Variants in SPNS3 observed in about 807,000 individuals in gnomAD.
SPNS3 encodes the protein protein spinster homolog 3.
A neutral mutation model predicts 54.4 loss-of-function variants in SPNS3; 51 were observed. That is an observed-to-expected ratio of 0.94 (90% CI 0.75 to 1.18). SPNS3 has a LOEUF of 1.18. SPNS3 is among the 50% of genes most tolerant of loss of function. SPNS3 has a pLI of 0.00. For missense variants in SPNS3, 669 were observed against 677.4 expected (o/e 0.99, Z 0.14); for synonymous variants, 309 against 294.7 (o/e 1.05, Z -0.50).
intron 8 of SPNS3, among the ~76,000 whole-genome samples, chr17:4,458,536 C>CT (rs1555530793): frequency 0.085 from 7,821 of 92,212 alleles, 893 homozygotes; most frequent in Non-Finnish European, 0.15. Flanking sequence ...GCCTTCCTTC[C>CT]TTCCTTCCTT....
intron 8 of SPNS3, among the ~76,000 whole-genome samples, chr17:4,476,987 T>A (rs1401076419): frequency 1.3e-5 from 2 of 152,212 alleles, no homozygotes; most frequent in Non-Finnish European, 2.9e-5. Flanking sequence ...GTCCTGATCC[T>A]GACTGTCCTT....
chr17:4,457,950 G>T lies in SPNS3; in HGVS notation c.1113+4745G>T, dbSNP rs115758769. ...CTGGGAAGCTGCTGGGTCTGGCATG[G>T]TACCCACCGATGCTGAGCCTCTGCG... On this transcript the variant is annotated intron_variant, in intron 8 of 11. Transcript: ENST00000355530. 7.2e-3 allele frequency among the ~76,000 whole-genome samples: 1,094 copies of T among 152,232 alleles called. 12 individuals carry two copies. The highest frequency in any genetic ancestry group is 0.025 in the African/African-American group (1,047 of 41,526).
At position 4,486,280 on chromosome 17, in the gene SPNS3, T is replaced by C; in HGVS notation, c.1232T>C (p.Val411Ala). 4 of 1,592,146 alleles carry C rather than the reference T, an allele frequency of 2.5e-6. No homozygotes were observed. Among genetic ancestry groups the C allele is most frequent in the Non-Finnish European group, 3.4e-6 (4 of 1,171,994 alleles). Residue 411 changes from valine to alanine, a missense_variant, in exon 10 of 12, where the codon GTG (valine) becomes GCG (alanine). Coordinates refer to ENST00000355530, the MANE Select transcript of SPNS3 (RefSeq NM_182538.5). The surrounding 1 kb of genome is among the most constrained non-coding windows in gnomAD (Gnocchi z 5.5). Reference protein sequence around the residue: ...RGTAEALQITVGHILGDAGSP... With the variant: ...RGTAEALQITAGHILGDAGSP... ...ACGGCAGAGGCACTTCAGATCACGG[T>C]GGGCCACATCCTGGGAGACGCTGGC...
intron 8 of SPNS3, among the ~76,000 whole-genome samples, chr17:4,471,824 T>C (rs147854110): frequency 1.3e-5 from 2 of 152,074 alleles, no homozygotes; most frequent in African/African-American, 4.8e-5. Flanking sequence ...GGAATTTCCT[T>C]CTGCTCCTTC....
intron 8 of SPNS3, among the ~76,000 whole-genome samples, chr17:4,460,593 G>A (rs1429908839): frequency 1.3e-5 from 2 of 149,894 alleles, no homozygotes; most frequent in African/African-American, 2.5e-5. Context: ...TACCACGCCT[G>A]GCTAATTTTT....
intron 9 of SPNS3, among the ~76,000 whole-genome samples, chr17:4,480,439 T>TC (rs1470565218): frequency 1.3e-5 from 2 of 152,032 alleles, no homozygotes; most frequent in African/African-American, 4.8e-5. Context: ...GAGATTAACA[T>TC]CCCCCCAGCA....
At chr17:4,455,156 C>T (rs1004173977) in intron 8 of SPNS3, among the ~76,000 whole-genome samples, 3 of 152,166 alleles carry the variant, frequency 2.0e-5, no homozygotes, top group Non-Finnish European at 2.9e-5. Context: ...TCAGGCGATC[C>T]GCCTGTCTCG....
rs114897895 is a variant in SPNS3, at chr17:4,476,801, G to C, written c.1114-1771G>C. ...AGGGACCAGGCACTGCAGTCCCAGG[G>C]GCTGGGTTAGGCCAGGAGAGCGCAT... is the stretch of plus-strand genomic sequence containing the variant. On this transcript the variant is annotated intron_variant, in intron 8 of 11. Coordinates refer to ENST00000355530, the MANE Select transcript of SPNS3 (RefSeq NM_182538.5). Among the ~76,000 whole-genome samples, 1,284 of 152,290 alleles carry C rather than the reference G, an allele frequency of 8.4e-3. 12 individuals are homozygous for C. The highest frequency in any genetic ancestry group is 0.029 in the African/African-American group (1,214 of 41,556).
At chr17:4,438,940 CTGTG>C (rs35255085) in intron 1 of SPNS3, among the ~76,000 whole-genome samples, 9,192 of 149,232 alleles carry the variant, frequency 0.062, 349 homozygotes, top group Non-Finnish European at 0.086. Context: ...GAGTGAGTTC[CTGTG>C]TGTGTGTGTG....
intron 8 of SPNS3, among the ~76,000 whole-genome samples, chr17:4,459,813 A>G (rs1174279435): frequency 6.6e-6 from 1 of 152,198 alleles, no homozygotes; most frequent in Non-Finnish European, 1.5e-5. Flanking sequence ...GTTGAGGGAG[A>G]TAGATAACAA....
intron 1 of SPNS3, among the ~76,000 whole-genome samples, chr17:4,436,529 G>A (rs1304530543): frequency 9.3e-6 from 1 of 108,018 alleles, no homozygotes; most frequent in African/African-American, 2.9e-5. Flanking sequence ...GATTGCTTGA[G>A]GCTGAAGCGG....
Position 4,448,519 on chromosome 17 carries a change from A to G in SPNS3, c.770+216A>G, listed in dbSNP as rs1010721009. On this transcript the variant is annotated intron_variant, in intron 6 of 11. Transcript: ENST00000355530. ...CTTGCCATGTGACAGAAATATGGACAGAGTGGGAGGGAGATGGCGTGAGCC... is the reference window on the plus strand; with the variant it reads ...CTTGCCATGTGACAGAAATATGGACGGAGTGGGAGGGAGATGGCGTGAGCC... Among the ~76,000 whole-genome samples the G allele has an allele frequency of 2.0e-5, 3 of 152,332 alleles. No homozygotes were observed. The East Asian group carries it at 5.8e-4, about 29-fold the overall frequency.
chr17:4,442,017 T>TGTGTGTGTGTGTGTGTGTGTGTGTGTG (rs10692534), intron 2 of SPNS3, among the ~76,000 whole-genome samples: 3 of 150,574 alleles, frequency 2.0e-5, no homozygotes, highest in South Asian at 2.1e-4. Flanking sequence ...TGTGTGTGTG[T>TGTGTGTGTGTGTGTGTGTGTGTGTGTG]TTGGCAGTAG....
chr17:4,451,843 AT>A (rs796190961), intron 7 of SPNS3, among the ~76,000 whole-genome samples: 389 of 139,894 alleles, frequency 2.8e-3, no homozygotes, highest in Middle Eastern at 3.5e-3. Flanking sequence ...TAATTTTTGT[AT>A]TTTTTTTTTT....
At chr17:4,437,821 CT>C (rs1970752518) in intron 1 of SPNS3, among the ~76,000 whole-genome samples, 1 of 149,358 alleles carries the variant, frequency 6.7e-6, no homozygotes, top group Admixed American at 6.7e-5. Context: ...GAGTCTCACT[CT>C]GTCGCCCAGG....
chr17:4,460,492 C>A (rs888278861), intron 8 of SPNS3, among the ~76,000 whole-genome samples: 1 of 141,582 alleles, frequency 7.1e-6, no homozygotes, highest in South Asian at 2.2e-4. Context: ...AGTGCAGTGG[C>A]GTGATCTCGG....
chr17:4,487,926 C>T lies in SPNS3; in HGVS notation c.*32C>T. 6.3e-7 allele frequency: 1 copy of T among 1,597,308 alleles called. No individual in the cohort carries two copies. The highest frequency in any genetic ancestry group is 8.6e-7 in the Non-Finnish European group (1 of 1,165,218). ...TGCCTACACTCGTCCTGCCTGCAAG[C>T]CTCCCGTTGGTCCCCACAGCAGCAG... On this transcript the variant is annotated 3_prime_UTR_variant, in exon 12 of 12. Transcript: ENST00000355530.
chr17:4,465,735 A>G (rs1971659737), intron 8 of SPNS3, among the ~76,000 whole-genome samples: 1 of 152,166 alleles, frequency 6.6e-6, no homozygotes, highest in South Asian at 2.1e-4. Context: ...TTCAGAAAAA[A>G]AAGAAATGGA....
At chr17:4,443,169 C>G (rs1178752468) in intron 2 of SPNS3, among the ~76,000 whole-genome samples, 2 of 152,088 alleles carry the variant, frequency 1.3e-5, no homozygotes, top group African/African-American at 2.4e-5. Context: ...CTCCCAGGTT[C>G]AAGCAATTCT....
Sources: allele counts gnomAD v4.1 joint callset (sites outside exome capture counted in the v4.1 genomes callset), GRCh38; gene constraint gnomAD v4.1.1; non-coding constraint Gnocchi (gnomAD v3.1); transcripts MANE v1.5; gene names NCBI Gene and HGNC (gene_info 2026-07-23, HGNC 2026-07-21).